GGA3: variants seen among roughly 807,000 people sequenced by gnomAD.
GGA3 encodes golgi associated, gamma adaptin ear containing, ARF binding protein 3.
GGA3 carries 57 observed loss-of-function variants against 77.5 expected under a neutral mutation model. The ratio of observed to expected loss-of-function variants is 0.74; its 90% CI spans 0.59 to 0.92. The LOEUF (loss-of-function observed/expected upper bound fraction) is 0.92. GGA3 is among the 40% of genes least tolerant of loss of function. GGA3 has a pLI of 0.00. For missense variants in GGA3, 970 were observed against 914.9 expected, an observed-to-expected ratio of 1.06 and a Z score of -0.78; for synonymous variants, 416 against 383.7, an observed-to-expected ratio of 1.08 and a Z score of -0.98.
At position 75,241,598 on chromosome 17, in the gene GGA3, G is replaced by A. The variant is rs369360175; in HGVS notation, c.829+17C>T. The A allele has an allele frequency of 1.6e-5, 25 of 1,611,822 alleles. No individual in the cohort carries two copies. The highest frequency in any genetic ancestry group is 1.6e-4 in the Middle Eastern group (1 of 6,076). ...CCAAATGCCTGGCTTATCCCTGACC[G>A]TCGCTCTTTCACTCACCCAAACTGT... On this transcript the variant is annotated intron_variant, in intron 9 of 16. Coordinates refer to ENST00000537686, the MANE Select transcript of GGA3 (RefSeq NM_138619.4).
At position 75,239,390 on chromosome 17, in the gene GGA3, C is replaced by G. The variant is rs778005857; in HGVS notation, c.1765G>C (p.Glu589Gln). ...CAACACCTACTAGGCTTGATCGATT[C>G]CAGGGGCACGTGGATGCTGGCCAGG... is the stretch of plus-strand genomic sequence containing the variant. ...LSLASIHVPLESIKPSSALPV... is the reference protein window; with the variant it reads ...LSLASIHVPLQSIKPSSALPV... The change falls in exon 14 of 17, where the codon GAA becomes CAA. Residue 589 changes from glutamate (E) to glutamine (Q), a missense_variant. Transcript: ENST00000537686. 4.5e-6 allele frequency: 7 copies of G among 1,553,054 alleles called. No individual in the cohort carries two copies. In the East Asian group the frequency reaches 1.1e-4, roughly 25 times the overall value.
At chr17:75,261,798 G>A (rs1229238758), upstream of GGA3, 7 of 1,311,086 alleles carry the variant, frequency 5.3e-6, no homozygotes, top group African/African-American at 2.9e-5. Context: ...TCAGTGGAGA[G>A]AAACGCAGAT....
At chr17:75,240,270 G>C in intron 12 of GGA3, 72 bp downstream of exon 12, 1 of 1,215,310 alleles carries the variant, frequency 8.2e-7, no homozygotes, top group Non-Finnish European at 1.2e-6. Context: ...GCTAACTGCA[G>C]CCCAGGAGAC....
intron 1 of GGA3, among the ~76,000 whole-genome samples, chr17:75,255,205 A>G (rs1208640004): frequency 6.6e-6 from 1 of 152,114 alleles, no homozygotes; most frequent in African/African-American, 2.4e-5. Context: ...CCTTGCCTCC[A>G]TAACTGTTGT....
chr17:75,261,685 C>A, upstream of GGA3: 2 of 1,280,378 alleles, frequency 1.6e-6, no homozygotes, highest in South Asian at 3.0e-5. Flanking sequence ...GAGTGAGTGC[C>A]GTCACCGAGG....
intron 1 of GGA3, among the ~76,000 whole-genome samples, chr17:75,256,295 A>T (rs145149765): frequency 6.6e-6 from 1 of 152,032 alleles, no homozygotes; most frequent in East Asian, 1.9e-4. Flanking sequence ...TACATTTCTC[A>T]TAACTTCCAA....
intron 1 of GGA3, among the ~76,000 whole-genome samples, chr17:75,251,706 C>CAAAAAAA (rs35924573): frequency 1.0e-4 from 7 of 68,248 alleles, no homozygotes; most frequent in African/African-American, 3.1e-4. Flanking sequence ...GACTCCTTCT[C>CAAAAAAA]AAAAAAAAAA....
At position 75,242,423 on chromosome 17, in the gene GGA3, T is replaced by C. The variant is rs148903128; in HGVS notation, c.660A>G (p.Glu220=). ...KVTKRLHTLE[E]VNNNVRLLSE... is the part of the protein sequence containing the mutation. ...TGAGCAGTCTCACGTTGTTGTTAACTTCCTCTAACGTGTGCAGACGCTTGG... is the reference window on the plus strand; with the variant it reads ...TGAGCAGTCTCACGTTGTTGTTAACCTCCTCTAACGTGTGCAGACGCTTGG... The change falls in exon 8 of 17, where the codon GAA becomes GAG. Residue 220 remains glutamate (E), a synonymous_variant. Transcript: ENST00000537686. 6.2e-7 allele frequency: 1 copy of C among 1,613,958 alleles called. No individual in the cohort carries two copies. The highest frequency in any genetic ancestry group is 8.5e-7 in the Non-Finnish European group (1 of 1,179,926).
intron 1 of GGA3, among the ~76,000 whole-genome samples, chr17:75,250,475 A>G (rs1430798553): frequency 2.0e-5 from 3 of 152,232 alleles, no homozygotes; most frequent in Admixed American, 6.5e-5. Context: ...CAAGATCTAC[A>G]TAGCAGGCTG....
At chr17:75,250,160 T>C (rs2076911377) in intron 1 of GGA3, among the ~76,000 whole-genome samples, 1 of 152,210 alleles carries the variant, frequency 6.6e-6, no homozygotes, top group South Asian at 2.1e-4. Context: ...CCCCAGCAGA[T>C]GCACACAGCC....
Position 75,243,178 on chromosome 17 carries a change from C to T in GGA3, c.425-12G>A. 1 of 1,576,314 alleles carries T rather than the reference C, an allele frequency of 6.3e-7. No individual in the cohort carries two copies. Among genetic ancestry groups the T allele is most frequent in the Non-Finnish European group, 8.7e-7 (1 of 1,152,110 alleles). On this transcript the variant is annotated splice_polypyrimidine_tract_variant and intron_variant, in intron 5 of 16. Transcript: ENST00000537686. Reference sequence around the variant, plus strand: ...AGACTGCACTATGCCTGAAAGGGGACATGGCAGCACGTGCACTCAGGCTGT... The same window carrying T: ...AGACTGCACTATGCCTGAAAGGGGATATGGCAGCACGTGCACTCAGGCTGT...
At position 75,238,772 on chromosome 17, in the gene GGA3, G is replaced by A. The variant is rs756823932; in HGVS notation, c.1951-10C>T. 1 of 1,604,696 alleles carries A rather than the reference G, an allele frequency of 6.2e-7. No individual in the cohort carries two copies. Among genetic ancestry groups the A allele is most frequent in the South Asian group, 1.1e-5 (1 of 90,728 alleles). On this transcript the variant is annotated splice_polypyrimidine_tract_variant and intron_variant, in intron 15 of 16. Coordinates refer to ENST00000537686, the MANE Select transcript of GGA3 (RefSeq NM_138619.4). The stretch of plus-strand genomic sequence containing the variant: ...ACTTCACTTTCATTGACTAAAGAGA[G>A]AGAAACTCCTTTGAAGAGAACTGGT...
intron 1 of GGA3, among the ~76,000 whole-genome samples, chr17:75,248,555 G>C (rs1295016334): frequency 2.0e-5 from 3 of 149,386 alleles, no homozygotes; most frequent in Non-Finnish European, 4.4e-5. Flanking sequence ...GGGAGGCCGA[G>C]GCAGGCGGAT....
In GGA3 at chr17:75,252,811, A is replaced by G. The variant is rs57866602; in HGVS notation, c.41-6015T>C. Among the ~76,000 whole-genome samples, 608 of 152,224 alleles carry G rather than the reference A, an allele frequency of 4.0e-3. 6 individuals carry two copies. The highest frequency in any genetic ancestry group is 0.014 in the African/African-American group (564 of 41,534). On this transcript the variant is annotated intron_variant, in intron 1 of 16. Transcript: ENST00000537686. ...GTACTTTGTAATCTCCCCCACCCTTAAGAAGGTTCTTCGTAATTCTCCCCA... is the reference window on the plus strand; with the variant it reads ...GTACTTTGTAATCTCCCCCACCCTTGAGAAGGTTCTTCGTAATTCTCCCCA...
chr17:75,254,915 C>G (rs4788875), intron 1 of GGA3, among the ~76,000 whole-genome samples: 114,841 of 152,000 alleles, frequency 0.76, 47,999 homozygotes, highest in East Asian at 0.92. Context: ...CTAAGCGAGT[C>G]CCATCTGTGT....
intron 7 of GGA3, 39 bp downstream of exon 7, chr17:75,242,792 C>A (rs1234817462): frequency 6.7e-7 from 1 of 1,500,084 alleles, no homozygotes; most frequent in Non-Finnish European, 9.3e-7. Flanking sequence ...TGGCCATGGG[C>A]TCCTCCACCC....
At chr17:75,254,652 G>A (rs1028612622) in intron 1 of GGA3, among the ~76,000 whole-genome samples, 3 of 152,046 alleles carry the variant, frequency 2.0e-5, no homozygotes, top group African/African-American at 7.3e-5. Flanking sequence ...CCCACAACAG[G>A]ACTTAATTAA....
In GGA3 at chr17:75,246,851, T is replaced by C. The variant is rs2076776618; in HGVS notation, c.41-55A>G. On this transcript the variant is annotated intron_variant, in intron 1 of 16. Transcript: ENST00000537686. ...GTTAGGAAGAGCAATGAGGATGCAA[T>C]GGAAGGTTTTCTTCGCAAGTTTTAA... is the stretch of plus-strand genomic sequence containing the variant. 8 of 1,436,832 alleles carry C rather than the reference T, an allele frequency of 5.6e-6. No individual in the cohort carries two copies. The East Asian group carries it at 1.8e-4, about 33-fold the overall frequency. The allele number at this position is 1,436,832 out of a possible 1,614,324, so 89.0% of individuals were successfully genotyped here. A position where few individuals can be genotyped will look rare whatever the true frequency, so the allele number is the denominator to read the frequency against.
chr17:75,244,135 T>A (rs1306470202), intron 4 of GGA3, among the ~76,000 whole-genome samples: 1 of 152,122 alleles, frequency 6.6e-6, no homozygotes, highest in East Asian at 1.9e-4. Flanking sequence ...ACAACTGCAT[T>A]TTATCTTGGG....
Sources: allele counts gnomAD v4.1 joint callset (sites outside exome capture counted in the v4.1 genomes callset), GRCh38; gene constraint gnomAD v4.1.1; transcripts MANE v1.5; gene names NCBI Gene and HGNC (gene_info 2026-07-23, HGNC 2026-07-21).